The following KDM4C variants were observed in gnomAD, a reference collection of about 807,000 sequenced individuals.
The protein encoded by KDM4C is lysine demethylase 4C, also known as lysine-specific demethylase 4C.
In KDM4C, 81 loss-of-function variants were observed where a neutral mutation model predicts 129.3. The observed-to-expected ratio is 0.63, with a 90% confidence interval of 0.52 to 0.75. The LOEUF (loss-of-function observed/expected upper bound fraction) is 0.75. Ranked by LOEUF, KDM4C falls within the 30% of genes least tolerant of loss-of-function variation. The probability of loss-of-function intolerance (pLI) is 0.00; values close to 1 mark genes in which losing one functional copy is unlikely to be tolerated. For missense variants in KDM4C, 1,457 were observed against 1,304.0 expected, an observed-to-expected ratio of 1.12 and a Z score of -1.81; for synonymous variants, 573 against 456.1, an observed-to-expected ratio of 1.26 and a Z score of -3.26.
At chr9:6,820,050 T>A (rs1322736666) in intron 4 of KDM4C, among the ~76,000 whole-genome samples, 1 of 151,776 alleles carries the variant, frequency 6.6e-6, no homozygotes, top group Non-Finnish European at 1.5e-5. Flanking sequence ...TTGGAGAGGG[T>A]ATGGGGAGAT....
intron 2 of KDM4C, among the ~76,000 whole-genome samples, chr9:6,796,976 C>T (rs1827867310): frequency 6.8e-6 from 1 of 147,586 alleles, no homozygotes; most frequent in South Asian, 2.1e-4. Context: ...CCATGATGTT[C>T]TTTGTTAATG....
chr9:6,835,044 C>T (rs992899538), intron 4 of KDM4C: 7 of 944,936 alleles, frequency 7.4e-6, no homozygotes, highest in African/African-American at 4.8e-5. Context: ...AGCGTGGCTA[C>T]AGCTTCACCA....
chr9:7,156,600 T>G lies in KDM4C; in HGVS notation c.2782-8638T>G, dbSNP rs1021000143. On this transcript the variant is annotated intron_variant, in intron 19 of 21. Transcript: ENST00000381309. ...AGCCAGTTTTCCCAGCACCATTTAT[T>G]AAATAGGGAATCCTTTCCCCATTTC... Among the ~76,000 whole-genome samples the G allele has an allele frequency of 6.0e-4, 91 of 152,246 alleles. 1 individual carries two copies. Among genetic ancestry groups the G allele is most frequent in the Non-Finnish European group, 1.2e-3 (79 of 68,044 alleles).
intron 8 of KDM4C, among the ~76,000 whole-genome samples, chr9:6,975,517 ACC>A (rs911915678): frequency 1.3e-5 from 2 of 152,168 alleles, no homozygotes; most frequent in African/African-American, 4.8e-5. Context: ...TAGGTATGTG[ACC>A]TTGGACTAAT....
At chr9:7,001,312 T>C (rs372806267) in intron 12 of KDM4C, among the ~76,000 whole-genome samples, 4 of 152,222 alleles carry the variant, frequency 2.6e-5, no homozygotes, top group African/African-American at 9.6e-5. Context: ...GGCTATGATA[T>C]GTATATGTGT....
intron 12 of KDM4C, among the ~76,000 whole-genome samples, chr9:7,002,112 C>T (rs1323377577): frequency 6.6e-6 from 1 of 152,104 alleles, no homozygotes; most frequent in Admixed American, 6.5e-5. Flanking sequence ...AGGCTGGTCT[C>T]GAACTCCTGG....
chr9:6,981,008 A>T lies in KDM4C; in HGVS notation c.1005A>T (p.Lys335Asn). 1 of 1,613,966 alleles carries T rather than the reference A, an allele frequency of 6.2e-7. No homozygotes were observed. The highest frequency in any genetic ancestry group is 8.5e-7 in the Non-Finnish European group (1 of 1,179,862). ...KFQPDRYQLW[K>N]QGKDIYTIDH... ...AGCCAGACAGATATCAGCTTTGGAA[A>T]CAAGGAAAGGATATATACACCATTG... Residue 335 changes from lysine to asparagine, a missense_variant, in exon 9 of 22, where the codon AAA (lysine) becomes AAT (asparagine). Transcript: ENST00000381309.
In KDM4C at chr9:7,048,989, T is replaced by G. The variant is rs943281675; in HGVS notation, c.2316-103T>G. The G allele has an allele frequency of 9.4e-5, 68 of 725,228 alleles. 1 individual carries two copies. The highest frequency in any genetic ancestry group is 1.9e-5 in the Non-Finnish European group (8 of 417,852). 44.9% of individuals were successfully genotyped at this position (725,228 alleles called of 1,614,324 possible). A position where few individuals can be genotyped will look rare whatever the true frequency, so the allele number is the denominator to read the frequency against. ...TGATGGATTTAGGCTTTTGGCTTTC[T>G]TGCTCATCTGTGTATTTCCCATCTG... On this transcript the variant is annotated intron_variant, in intron 16 of 21. Coordinates refer to ENST00000381309, the MANE Select transcript of KDM4C (RefSeq NM_015061.6).
intron 8 of KDM4C, among the ~76,000 whole-genome samples, chr9:6,934,203 T>C (rs62533788): frequency 0.27 from 40,873 of 151,346 alleles, 5,748 homozygotes; most frequent in South Asian, 0.4. Context: ...AAGTTGGGGC[T>C]GGGCGCGGGG....
At chr9:6,803,525 G>A (rs891497650) in intron 2 of KDM4C, among the ~76,000 whole-genome samples, 1 of 151,382 alleles carries the variant, frequency 6.6e-6, no homozygotes, top group African/African-American at 2.4e-5. Context: ...AGCCGAGATT[G>A]GGCCATTGGA....
intron 4 of KDM4C, among the ~76,000 whole-genome samples, chr9:6,843,989 A>G (rs1181050196): frequency 1.3e-5 from 2 of 152,004 alleles, no homozygotes; most frequent in South Asian, 2.1e-4. Context: ...ATGTGTCACC[A>G]TACCCGGCTA....
intron 1 of KDM4C, among the ~76,000 whole-genome samples, chr9:6,770,597 G>C (rs1268443508): frequency 6.7e-6 from 1 of 150,264 alleles, no homozygotes; most frequent in Non-Finnish European, 1.5e-5. Flanking sequence ...TTGACAGGTA[G>C]TTAACAAAAA....
chr9:7,074,087 A>C (rs943417211), intron 17 of KDM4C, among the ~76,000 whole-genome samples: 1 of 152,224 alleles, frequency 6.6e-6, no homozygotes, highest in Non-Finnish European at 1.5e-5. Context: ...ATTGTAGTGC[A>C]TCTTACTTTA....
At chr9:7,029,301 T>G (rs116697072) in intron 15 of KDM4C, among the ~76,000 whole-genome samples, 11,187 of 150,732 alleles carry the variant, frequency 0.074, 699 homozygotes, top group African/African-American at 0.16. Context: ...CCGTTTTTTT[T>G]TTTTTTTTTT....
At chr9:6,998,098 A>G (rs537116526) in intron 12 of KDM4C, among the ~76,000 whole-genome samples, 1 of 152,318 alleles carries the variant, frequency 6.6e-6, no homozygotes, top group African/African-American at 2.4e-5. Flanking sequence ...TCAGTTCAGC[A>G]AGTGCACTAC....
At chr9:6,827,238 CAG>C (rs1200261692) in intron 4 of KDM4C, among the ~76,000 whole-genome samples, 2 of 152,320 alleles carry the variant, frequency 1.3e-5, no homozygotes, top group African/African-American at 4.8e-5. Flanking sequence ...GTGTTTTTCT[CAG>C]AGTCTTCATC....
chr9:6,987,646 A>C (rs1297016308), intron 11 of KDM4C, among the ~76,000 whole-genome samples: 1 of 152,180 alleles, frequency 6.6e-6, no homozygotes, highest in Non-Finnish European at 1.5e-5. Context: ...TAAGGACAGC[A>C]GCTTTGAATA....
chr9:6,918,731 G>GTAGC (rs1563811123), intron 8 of KDM4C, among the ~76,000 whole-genome samples: 1 of 152,128 alleles, frequency 6.6e-6, no homozygotes, highest in African/African-American at 2.4e-5. Flanking sequence ...GTTTGAGATG[G>GTAGC]TAGCTCATTG....
intron 8 of KDM4C, among the ~76,000 whole-genome samples, chr9:6,951,625 T>A (rs1828158354): frequency 6.6e-6 from 1 of 152,230 alleles, no homozygotes; most frequent in Non-Finnish European, 1.5e-5. Flanking sequence ...CTCTGTGCAA[T>A]CTACAGATAA....
Sources: gnomAD v4.1 joint callset for allele counts (sites outside exome capture counted in the v4.1 genomes callset) on GRCh38, gnomAD v4.1.1 for gene constraint, MANE v1.5 for transcripts, NCBI Gene and HGNC (gene_info 2026-07-23, HGNC 2026-07-21) for gene names.